The following NCR1 variants were observed in gnomAD, a reference collection of about 807,000 sequenced individuals.
NCR1 encodes natural cytotoxicity triggering receptor 1.
In NCR1, 30 loss-of-function variants were observed where a neutral mutation model predicts 32.5. That is an observed-to-expected ratio of 0.92 (90% confidence interval 0.69 to 1.25). The LOEUF is 1.25. Ranked by LOEUF, NCR1 falls within the 50% of genes most tolerant of loss-of-function variation. The pLI, the probability that NCR1 is intolerant of heterozygous loss-of-function variation, is 0.00. For missense variants in NCR1, 369 were observed against 380.7 expected (o/e 0.97, Z 0.26); for synonymous variants, 169 against 143.4 (o/e 1.18, Z -1.28).
chr19:54,937,450 C>T, the NCR1 span, among the ~76,000 whole-genome samples: 7 of 150,568 alleles, frequency 4.6e-5, no homozygotes, highest in African/African-American at 1.7e-4. Flanking sequence ...CCAGCACTTT[C>T]GAAGACCGAG....
At chr19:54,900,346 C>T in the NCR1 span, among the ~76,000 whole-genome samples, 1 of 152,210 alleles carries the variant, frequency 6.6e-6, no homozygotes, top group South Asian at 2.1e-4. Flanking sequence ...AGGAAAATTA[C>T]AGTCAAAAGG....
the NCR1 span, among the ~76,000 whole-genome samples, chr19:54,929,008 G>T: frequency 6.6e-6 from 1 of 152,102 alleles, no homozygotes; most frequent in Non-Finnish European, 1.5e-5. Context: ...GAGCTTTTGA[G>T]TCTTTGGAAA....
chr19:54,917,229 C>T (rs745957266), downstream of NCR1, among the ~76,000 whole-genome samples: 7 of 151,318 alleles, frequency 4.6e-5, no homozygotes, highest in Non-Finnish European at 1.0e-4. Context: ...GCAGGAGAAT[C>T]GTTCAAACCC....
At chr19:54,902,190 T>C (rs1244657288), upstream of NCR1, among the ~76,000 whole-genome samples, 1 of 152,132 alleles carries the variant, frequency 6.6e-6, no homozygotes, top group African/African-American at 2.4e-5. Flanking sequence ...GGGCATCATA[T>C]GCAAATTAGA....
At chr19:54,905,333 G>C (rs587694366), upstream of NCR1, among the ~76,000 whole-genome samples, 1 of 151,862 alleles carries the variant, frequency 6.6e-6, no homozygotes, top group Admixed American at 6.6e-5. Flanking sequence ...CAGAGAGACC[G>C]AGGGGTTGAG....
At chr19:54,935,989 T>C in the NCR1 span, among the ~76,000 whole-genome samples, 1 of 152,032 alleles carries the variant, frequency 6.6e-6, no homozygotes, top group African/African-American at 2.4e-5. Context: ...TCCCAACAAT[T>C]AGGCAAGGTG....
At chr19:54,918,982 TAA>T (rs34795470), downstream of NCR1, among the ~76,000 whole-genome samples, 263 of 134,150 alleles carry the variant, frequency 2.0e-3, 1 homozygote, top group Middle Eastern at 3.8e-3. Flanking sequence ...AAAACTGTCT[TAA>T]AAAAAAAAAA....
Position 54,906,934 on chromosome 19 carries a change from A to T in NCR1, c.355+127A>T, listed in dbSNP as rs965394645. 2.7e-6 allele frequency: 3 copies of T among 1,128,978 alleles called. No individual in the cohort carries two copies. The African/African-American group carries it at 4.6e-5, about 17-fold the overall frequency. 69.9% of individuals were successfully genotyped at this position (1,128,978 alleles called of 1,614,324 possible). On this transcript the variant is annotated intron_variant, in intron 3 of 6. Transcript: ENST00000291890. ...CGGTAGGAGGCTGGAAGGAGGGGTG[A>T]TCCCCATCACAATCCTTGCCTACAA...
At chr19:54,922,786 AAAAC>A in the NCR1 span, among the ~76,000 whole-genome samples, 1,587 of 78,654 alleles carry the variant, frequency 0.02, 127 homozygotes, top group East Asian at 0.26. Flanking sequence ...CTCAAAAAAA[AAAAC>A]AAAAAAAAAA....
upstream of NCR1, among the ~76,000 whole-genome samples, chr19:54,903,429 TACACGCATAC>T (rs2146011194): frequency 7.4e-6 from 1 of 134,814 alleles, no homozygotes; most frequent in African/African-American, 2.7e-5. Context: ...CATGTATGTA[TACACGCATAC>T]ATGTATGTAT....
upstream of NCR1, among the ~76,000 whole-genome samples, chr19:54,903,432 A>G (rs960631198): frequency 1.8e-3 from 237 of 132,746 alleles, 4 homozygotes; most frequent in African/African-American, 5.9e-3. Context: ...GTATGTATAC[A>G]CGCATACATG....
chr19:54,903,645 A>G (rs759367121), upstream of NCR1, among the ~76,000 whole-genome samples: 2 of 135,106 alleles, frequency 1.5e-5, no homozygotes, highest in East Asian at 2.3e-4. Flanking sequence ...CAGTATATAT[A>G]CACATATATG....
At chr19:54,927,217 C>G in the NCR1 span, among the ~76,000 whole-genome samples, 2 of 151,616 alleles carry the variant, frequency 1.3e-5, no homozygotes, top group African/African-American at 4.8e-5. Context: ...GGTGAAACCC[C>G]TCTCTACTAA....
chr19:54,909,952 A>G (rs1415076434), intron 4 of NCR1, 66 bp from the exon 5 acceptor site: 1 of 1,399,902 alleles, frequency 7.1e-7, no homozygotes, highest in Non-Finnish European at 9.9e-7. Flanking sequence ...AAAAAAAAAA[A>G]AAAAGAATGG....
intron 5 of NCR1, among the ~76,000 whole-genome samples, 183 bp downstream of exon 5, chr19:54,910,248 C>T (rs1569537184): frequency 6.6e-6 from 1 of 152,046 alleles, no homozygotes; most frequent in African/African-American, 2.4e-5. Context: ...CCAGCCTGGC[C>T]AACATGGCGA....
At chr19:54,927,830 G>A in the NCR1 span, 478 of 1,493,780 alleles carry the variant, frequency 3.2e-4, 3 homozygotes, top group African/African-American at 5.5e-3. Context: ...AGTGGCTCAA[G>A]CGTGTAATCC....
At chr19:54,909,911 G>T in intron 4 of NCR1, 107 bp from the exon 5 acceptor site, 5 of 1,004,956 alleles carry the variant, frequency 5.0e-6, no homozygotes, top group South Asian at 1.5e-5. Context: ...CTGCAACCTG[G>T]GCGACAGAGC....
the NCR1 span, among the ~76,000 whole-genome samples, chr19:54,926,205 G>GGTGTGTGT: frequency 8.7e-3 from 1,253 of 143,704 alleles, 6 homozygotes; most frequent in Non-Finnish European, 0.012. Flanking sequence ...AATGATTAGG[G>GGTGTGTGT]GTGTGTGTGT....
At chr19:54,902,671 G>A (rs1168186736), upstream of NCR1, among the ~76,000 whole-genome samples, 2 of 152,152 alleles carry the variant, frequency 1.3e-5, no homozygotes, top group East Asian at 3.8e-4. Flanking sequence ...AGGTAACTAT[G>A]TTATGGCTGA....
Sources: gnomAD v4.1 joint callset for allele counts (sites outside exome capture counted in the v4.1 genomes callset) on GRCh38, gnomAD v4.1.1 for gene constraint, MANE v1.5 for transcripts, NCBI Gene and HGNC (gene_info 2026-07-23, HGNC 2026-07-21) for gene names.